The following MRPL44 variants were observed in gnomAD, a reference collection of about 807,000 sequenced individuals.
The protein encoded by MRPL44 is large ribosomal subunit protein mL44.
MRPL44 carries 21 observed loss-of-function variants against 25.9 expected under a neutral mutation model. That is an observed-to-expected ratio of 0.81 (90% CI 0.58 to 1.17). The LOEUF (loss-of-function observed/expected upper bound fraction) is 1.17. Among genes scored for constraint, MRPL44 ranks in the 50% most tolerant of loss-of-function variants. The pLI is 0.00. For synonymous variants in MRPL44, 169 were observed against 151.0 expected, an observed-to-expected ratio of 1.12 and a Z score of -0.87; for missense variants, 410 against 398.9, an observed-to-expected ratio of 1.03 and a Z score of -0.24.
At chr2:223,958,481 C>T (rs1392973052) in intron 1 of MRPL44, among the ~76,000 whole-genome samples, 2 of 152,172 alleles carry the variant, frequency 1.3e-5, no homozygotes, top group African/African-American at 4.8e-5. Flanking sequence ...AAAATCTCTT[C>T]TTAATTCCCA....
chr2:223,965,849 A>T (rs1352218076), intron 3 of MRPL44: 1 of 151,882 alleles, frequency 6.6e-6, no homozygotes, highest in Admixed American at 6.6e-5. Flanking sequence ...TTTTTATTTA[A>T]TTACTATTTA....
chr2:223,960,131 G>GT, intron 2 of MRPL44, 129 bp downstream of exon 2: 1 of 671,566 alleles, frequency 1.5e-6, no homozygotes, highest in Non-Finnish European at 2.4e-6. Context: ...AGACCTAAAG[G>GT]TTTTTTATGG....
At chr2:223,961,433 A>G (rs1023898214) in intron 2 of MRPL44, among the ~76,000 whole-genome samples, 17 of 152,194 alleles carry the variant, frequency 1.1e-4, no homozygotes, top group African/African-American at 3.6e-4. Context: ...TATTACTAAG[A>G]AAGTGGTTTG....
At chr2:223,957,364 C>A (rs758459879), upstream of MRPL44, 92 of 1,425,164 alleles carry the variant, frequency 6.5e-5, no homozygotes, top group Non-Finnish European at 8.5e-5. Flanking sequence ...GGGCTGTCTC[C>A]GCCCCAGCCT....
At chr2:223,954,490 G>A (rs1689534873), upstream of MRPL44, among the ~76,000 whole-genome samples, 1 of 152,226 alleles carries the variant, frequency 6.6e-6, no homozygotes, top group South Asian at 2.1e-4. Context: ...CTCTCATGAG[G>A]ATGCAGTCAA....
intron 1 of MRPL44, among the ~76,000 whole-genome samples, chr2:223,957,948 G>T (rs1689598027): frequency 6.6e-6 from 1 of 152,174 alleles, no homozygotes. Flanking sequence ...CTTGGATGTT[G>T]TAGTCCCCGT....
chr2:223,954,865 G>T (rs1289218238), upstream of MRPL44, among the ~76,000 whole-genome samples: 1 of 152,148 alleles, frequency 6.6e-6, no homozygotes, highest in Admixed American at 6.5e-5. Context: ...CCATCTTGCT[G>T]GCCGCTAACA....
rs1191292267 is a variant in MRPL44, at chr2:223,959,732, C to T, written c.378C>T (p.Ser126=). 18 of 1,614,024 alleles carry T rather than the reference C, an allele frequency of 1.1e-5. No homozygotes were observed. Among genetic ancestry groups the T allele is most frequent in the Admixed American group, 3.3e-5 (2 of 60,012 alleles). Residue 126 remains serine (S), a synonymous_variant, in exon 2 of 4, where the codon TCC becomes TCT. Coordinates refer to ENST00000258383, the MANE Select transcript of MRPL44 (RefSeq NM_022915.5). ...LLNLKSNQEL[S]EQGTSFSQTC... is the part of the protein sequence containing the mutation. ...ATCTTAAAAGTAATCAAGAACTATC[C>T]GAACAAGGGACATCTTTTTCACAGA...
intron 3 of MRPL44, among the ~76,000 whole-genome samples, chr2:223,965,078 C>T (rs541301469): frequency 1.3e-5 from 2 of 151,958 alleles, no homozygotes; most frequent in East Asian, 3.9e-4. Context: ...TTTGCCATAT[C>T]ACTACAGTGA....
intron 2 of MRPL44, among the ~76,000 whole-genome samples, chr2:223,961,593 G>A (rs370040205): frequency 6.6e-6 from 1 of 152,246 alleles, no homozygotes; most frequent in African/African-American, 2.4e-5. Context: ...AATTAGAACG[G>A]CACTCTTAGC....
chr2:223,957,770 G>A, intron 1 of MRPL44, 119 bp downstream of exon 1: 1 of 1,185,374 alleles, frequency 8.4e-7, no homozygotes, highest in South Asian at 1.6e-5. Context: ...AGTTTGCGAT[G>A]GAGACACCCG....
Position 223,957,551 on chromosome 2 carries a change from C to G in MRPL44, c.79C>G (p.Pro27Ala). ...LAPVAPKLVP[P>A]VRGVKKGFRA... ...TCCAGTCGCCCCCAAGCTGGTCCCT[C>G]CGGTTCGGGGAGTGAAGAAGGGATT... The change falls in exon 1 of 4, where the codon CCG (proline) becomes GCG (alanine). Residue 27 changes from proline to alanine, a missense_variant. Transcript: ENST00000258383. 1 of 1,614,030 alleles carries G rather than the reference C, an allele frequency of 6.2e-7. No individual in the cohort carries two copies. The highest frequency in any genetic ancestry group is 8.5e-7 in the Non-Finnish European group (1 of 1,180,014).
At position 223,957,603 on chromosome 2, in the gene MRPL44, A is replaced by G. The variant is rs772107545; in HGVS notation, c.131A>G (p.Glu44Gly). The G allele has an allele frequency of 3.1e-6, 5 of 1,612,888 alleles. No homozygotes were observed. The highest frequency in any genetic ancestry group is 4.2e-6 in the Non-Finnish European group (5 of 1,179,940). ...GFRAAFRFQKELERQRLLRCP... is the reference protein window; with the variant it reads ...GFRAAFRFQKGLERQRLLRCP... The stretch of plus-strand genomic sequence containing the variant: ...CGCGCCGCCTTCCGCTTCCAGAAGG[A>G]GTTAGAGCGGCAGCGCCTTCTGCGG... The change falls in exon 1 of 4, where the codon GAG (glutamate) becomes GGG (glycine). Residue 44 changes from glutamate (E) to glycine (G), a missense_variant. Physicochemically the swap from Glu to Gly is moderately conservative, Grantham distance 98 (BLOSUM62 -2). Transcript: ENST00000258383.
chr2:223,958,245 C>T (rs1689601783), intron 1 of MRPL44, among the ~76,000 whole-genome samples: 1 of 152,112 alleles, frequency 6.6e-6, no homozygotes, highest in Non-Finnish European at 1.5e-5. Flanking sequence ...CATGGTATTA[C>T]AAAGATATGT....
rs1059109 is a variant in MRPL44 at position 223,959,915 on chromosome 2, C to T, written c.561C>T (p.Pro187=). The T allele has an allele frequency of 6.2e-7, 1 of 1,614,036 alleles. No individual in the cohort carries two copies. ...QLTLSEEFPV[P]PAVLQQTFFA... is the part of the protein sequence containing the mutation. ...CACTGAGTGAAGAATTCCCAGTGCC[C>T]CCAGCTGTGTTACAGCAGACTTTCT... Residue 187 remains proline (P), a synonymous_variant, in exon 2 of 4, where the codon CCC becomes CCT. Coordinates refer to ENST00000258383, the MANE Select transcript of MRPL44 (RefSeq NM_022915.5).
rs1174786310 is a variant in MRPL44, at chr2:223,959,570, A to G, written c.216A>G (p.Ile72Met). The G allele has an allele frequency of 8.7e-6, 14 of 1,612,874 alleles. No homozygotes were observed. The highest frequency in any genetic ancestry group is 1.2e-5 in the Non-Finnish European group (14 of 1,179,574). The change falls in exon 2 of 4, where the codon ATA (isoleucine) becomes ATG (methionine). Residue 72 changes from isoleucine to methionine, a missense_variant. Physicochemically the swap from Ile to Met is conservative, Grantham distance 10. Coordinates refer to ENST00000258383, the MANE Select transcript of MRPL44 (RefSeq NM_022915.5). ...CGAACTGGGATTACCATGCAGAAAT[A>G]CAAGCTTTTGGACATCGGTTACAGG... is the stretch of plus-strand genomic sequence containing the variant. ...EKPNWDYHAE[I>M]QAFGHRLQEN...
upstream of MRPL44, among the ~76,000 whole-genome samples, chr2:223,952,911 C>T (rs1484201056): frequency 6.6e-6 from 1 of 152,104 alleles, no homozygotes; most frequent in East Asian, 1.9e-4. Context: ...ATTGTTTGAT[C>T]AGTTAAACTC....
chr2:223,957,286 A>G (rs556592846), upstream of MRPL44: 160 of 654,402 alleles, frequency 2.4e-4, no homozygotes, highest in African/African-American at 2.7e-3. Context: ...CGTAGCCTCA[A>G]GGCGGCCGCA....
rs779386664 is a variant in MRPL44, at chr2:223,959,916, C to T, written c.562C>T (p.Pro188Ser). The T allele has an allele frequency of 6.2e-7, 1 of 1,614,198 alleles. No homozygotes were observed. The change falls in exon 2 of 4, where the codon CCA becomes TCA. Residue 188 changes from proline to serine, a missense_variant. Transcript: ENST00000258383. ...LTLSEEFPVP[P>S]AVLQQTFFAV... ...ACTGAGTGAAGAATTCCCAGTGCCC[C>T]CAGCTGTGTTACAGCAGACTTTCTT...
Sources: gnomAD v4.1 joint callset for allele counts (sites outside exome capture counted in the v4.1 genomes callset) on GRCh38, gnomAD v4.1.1 for gene constraint, MANE v1.5 for transcripts, NCBI Gene and HGNC (gene_info 2026-07-23, HGNC 2026-07-21) for gene names.